Variants in TLN2 observed in about 807,000 individuals in gnomAD.
TLN2 encodes the protein talin 2.
In TLN2, 118 loss-of-function variants were observed where a neutral mutation model predicts 294.7. That is an observed-to-expected ratio of 0.40 (90% CI 0.34 to 0.47). The LOEUF (loss-of-function observed/expected upper bound fraction) is 0.47. TLN2 is among the 20% of genes least tolerant of loss of function. The probability of loss-of-function intolerance (pLI) is 0.84; values close to 1 mark genes in which losing one functional copy is unlikely to be tolerated. For missense variants in TLN2, 3,083 were observed against 3,282.2 expected, an observed-to-expected ratio of 0.94 and a Z score of 1.48; for synonymous variants, 1,431 against 1,304.5, an observed-to-expected ratio of 1.10 and a Z score of -2.09.
At chr15:62,639,756 C>T (rs1435162570) in intron 3 of TLN2, among the ~76,000 whole-genome samples, 1 of 152,304 alleles carries the variant, frequency 6.6e-6, no homozygotes, top group East Asian at 1.9e-4. Context: ...TCAGGCCCTG[C>T]CCTCTGGGTT....
intron 1 of TLN2, among the ~76,000 whole-genome samples, chr15:62,487,765 T>C (rs1476210657): frequency 6.6e-6 from 1 of 152,004 alleles, no homozygotes; most frequent in African/African-American, 2.4e-5. Context: ...TAGCCGGGCA[T>C]GGTGGCAGGC....
chr15:62,691,838 TAA>T (rs879805197), intron 12 of TLN2, among the ~76,000 whole-genome samples: 14 of 145,548 alleles, frequency 9.6e-5, no homozygotes, highest in Non-Finnish European at 1.5e-4. Flanking sequence ...CCTGGCTAAT[TAA>T]AAAAAAAAAA....
rs572886595 is a variant in TLN2, at chr15:62,822,418, G to A, written c.7002+1808G>A. On this transcript the variant is annotated intron_variant, in intron 54 of 58. Transcript: ENST00000636159. ...CTGAAGAAAGAAAACCAGGAAGCTC[G>A]CGTTGTTCAGCTGCCAAGCCTGTGC... Among the ~76,000 whole-genome samples, 117 of 152,290 alleles carry A rather than the reference G, an allele frequency of 7.7e-4. 1 individual carries two copies. Among genetic ancestry groups the A allele is most frequent in the Middle Eastern group, 3.4e-3 (1 of 294 alleles).
At chr15:62,582,095 G>A (rs756852096) in intron 1 of TLN2, among the ~76,000 whole-genome samples, 6 of 151,780 alleles carry the variant, frequency 4.0e-5, no homozygotes, top group Admixed American at 6.6e-5. Context: ...CTAATCACTG[G>A]GACTGAGAGA....
At chr15:62,451,456 A>C (rs1595835638) in intron 1 of TLN2, among the ~76,000 whole-genome samples, 1 of 152,278 alleles carries the variant, frequency 6.6e-6, no homozygotes, top group Middle Eastern at 3.4e-3. Flanking sequence ...GGAGATCTAG[A>C]CCATCCTGGC....
chr15:62,673,703 T>G (rs2055780681), intron 9 of TLN2, 124 bp from the exon 10 acceptor site: 2 of 669,234 alleles, frequency 3.0e-6, no homozygotes, highest in African/African-American at 3.6e-5. Flanking sequence ...AGTCTGTTAT[T>G]AATTACTCTA....
At position 62,779,447 on chromosome 15, in the gene TLN2, A is replaced by G. The variant is rs2063956683; in HGVS notation, c.5515-1693A>G. ...TAAAAGAAAGGTCATGCTAGCACCC[A>G]CAAAAGGAGGAAGGCTGTACTCTCA... On this transcript the variant is annotated intron_variant, in intron 43 of 58. Transcript: ENST00000636159. Among the ~76,000 whole-genome samples, 2 of 152,264 alleles carry G rather than the reference A, an allele frequency of 1.3e-5. 1 individual carries two copies. Among genetic ancestry groups the G allele is most frequent in the South Asian group, 4.1e-4 (2 of 4,828 alleles).
intron 1 of TLN2, among the ~76,000 whole-genome samples, chr15:62,571,977 T>G (rs1487989816): frequency 2.0e-5 from 3 of 152,228 alleles, no homozygotes; most frequent in African/African-American, 7.2e-5. Flanking sequence ...AGGACAGACC[T>G]GGAAGTCATC....
intron 1 of TLN2, among the ~76,000 whole-genome samples, chr15:62,399,565 C>T (rs1025987472): frequency 2.0e-5 from 3 of 152,194 alleles, no homozygotes; most frequent in African/African-American, 7.2e-5. Context: ...ACTGCAAAGC[C>T]ACAGGGGCGA....
At chr15:62,666,676 A>C (rs1185058557) in intron 9 of TLN2, among the ~76,000 whole-genome samples, 1 of 152,186 alleles carries the variant, frequency 6.6e-6, no homozygotes, top group Non-Finnish European at 1.5e-5. Context: ...TTGCCACTCT[A>C]GGCGTTTCCC....
intron 5 of TLN2, among the ~76,000 whole-genome samples, chr15:62,650,897 C>T (rs1243548811): frequency 6.6e-6 from 1 of 152,030 alleles, no homozygotes; most frequent in Non-Finnish European, 1.5e-5. Flanking sequence ...AAAATATCCC[C>T]CAAACATGTT....
At chr15:62,655,889 T>A in intron 7 of TLN2, 55 bp from the exon 8 acceptor site, 1 of 1,601,686 alleles carries the variant, frequency 6.2e-7, no homozygotes, top group Non-Finnish European at 8.5e-7. Flanking sequence ...GTAAATTCCC[T>A]TTAATTAACA....
At chr15:62,807,718 T>C (rs1442495704) in intron 51 of TLN2, among the ~76,000 whole-genome samples, 1 of 152,168 alleles carries the variant, frequency 6.6e-6, no homozygotes. Flanking sequence ...AGCCCCTCTC[T>C]GTCATCTCGA....
intron 1 of TLN2, among the ~76,000 whole-genome samples, chr15:62,404,071 G>A (rs2140241890): frequency 6.6e-6 from 1 of 152,300 alleles, no homozygotes. Context: ...CTTGGATGAG[G>A]GAATGGAAGT....
chr15:62,394,470 TGCCTTTTTA>T (rs1317003714), intron 1 of TLN2, among the ~76,000 whole-genome samples: 1 of 152,190 alleles, frequency 6.6e-6, no homozygotes, highest in Non-Finnish European at 1.5e-5. Flanking sequence ...TACCCACTGG[TGCCTTTTTA>T]ATTACAGTAC....
At chr15:62,664,768 G>T in intron 9 of TLN2, among the ~76,000 whole-genome samples, 1 of 141,032 alleles carries the variant, frequency 7.1e-6, no homozygotes, top group Non-Finnish European at 1.5e-5. Context: ...TGAGGCACGA[G>T]AATCACTTGA....
intron 1 of TLN2, among the ~76,000 whole-genome samples, chr15:62,471,196 G>T (rs539417849): frequency 6.6e-6 from 1 of 152,304 alleles, no homozygotes; most frequent in East Asian, 1.9e-4. Flanking sequence ...AATTAGCTGG[G>T]CATGATGGCG....
chr15:62,732,880 C>T (rs1260065607), intron 28 of TLN2, among the ~76,000 whole-genome samples: 12 of 152,174 alleles, frequency 7.9e-5, no homozygotes, highest in African/African-American at 2.9e-4. Context: ...AGGTGAAGCT[C>T]AGGAATGCTG....
At chr15:62,721,212 A>C (rs183075866) in intron 25 of TLN2, among the ~76,000 whole-genome samples, 3 of 152,246 alleles carry the variant, frequency 2.0e-5, no homozygotes, top group African/African-American at 7.2e-5. Context: ...AAGTTTGTAC[A>C]TTTTAAACTT....
Sources: allele counts gnomAD v4.1 joint callset (sites outside exome capture counted in the v4.1 genomes callset), GRCh38; gene constraint gnomAD v4.1.1; transcripts MANE v1.5; gene names NCBI Gene and HGNC (gene_info 2026-07-23, HGNC 2026-07-21).